Variants in NKAIN3 observed in about 807,000 individuals in gnomAD.
NKAIN3 encodes sodium/potassium transporting ATPase interacting 3.
NKAIN3 carries 25 observed loss-of-function variants against 30.2 expected under a neutral mutation model. The ratio of observed to expected loss-of-function variants is 0.83; its 90% CI spans 0.60 to 1.16. NKAIN3 has a LOEUF of 1.16. Among genes scored for constraint, NKAIN3 ranks in the 50% most tolerant of loss-of-function variants. The pLI is 0.00. For missense variants in NKAIN3, 225 were observed against 254.1 expected, an observed-to-expected ratio of 0.89 and a Z score of 0.78; for synonymous variants, 91 against 89.6, an observed-to-expected ratio of 1.02 and a Z score of -0.09.
rs917268605 is a variant in NKAIN3 at position 62,517,190 on chromosome 8, T to C, written c.55-62349T>C. On this transcript the variant is annotated intron_variant, in intron 1 of 6. Coordinates refer to ENST00000623646, the MANE Select transcript of NKAIN3 (RefSeq NM_001304533.3). ...TTTTAGGTCATGGCAGCAATATTTT[T>C]CTTGCATAATCATAAAATATAATGC... 2.6e-5 allele frequency among the ~76,000 whole-genome samples: 4 copies of C among 152,296 alleles called. No homozygotes were observed. In the East Asian group the frequency reaches 5.8e-4, roughly 22 times the overall value.
chr8:62,744,795 A>G (rs1480125), intron 3 of NKAIN3, among the ~76,000 whole-genome samples: 134,433 of 151,910 alleles, frequency 0.88, 59,616 homozygotes, highest in African/African-American at 0.91. Context: ...AAATGATACA[A>G]GTAGCAAACC....
In NKAIN3 at chr8:62,785,230, A is replaced by T. The variant is rs144936274; in HGVS notation, c.471+38101A>T. 3.1e-3 allele frequency among the ~76,000 whole-genome samples: 476 copies of T among 152,322 alleles called. 1 individual carries two copies. Among genetic ancestry groups the T allele is most frequent in the African/African-American group, 0.01 (418 of 41,564 alleles). ...AACTCATTAATTTTCATACAATGAA[A>T]TGTTATTCAGCAATAAAAGTAAATG... On this transcript the variant is annotated intron_variant, in intron 4 of 6. Coordinates refer to ENST00000623646, the MANE Select transcript of NKAIN3 (RefSeq NM_001304533.3).
chr8:62,689,208 T>C (rs1240685496), intron 3 of NKAIN3, among the ~76,000 whole-genome samples: 1 of 152,238 alleles, frequency 6.6e-6, no homozygotes, highest in African/African-American at 2.4e-5. Flanking sequence ...CTACTGCTGT[T>C]GTGATGCAAC....
At chr8:62,351,197 G>T (rs1178872124) in intron 1 of NKAIN3, among the ~76,000 whole-genome samples, 1 of 149,762 alleles carries the variant, frequency 6.7e-6, no homozygotes. Context: ...TTGATTCCAG[G>T]ATGTCTACAG....
chr8:62,462,543 T>G (rs1422949049), intron 1 of NKAIN3, among the ~76,000 whole-genome samples: 1 of 152,130 alleles, frequency 6.6e-6, no homozygotes, highest in Non-Finnish European at 1.5e-5. Flanking sequence ...GCAGGAAGAT[T>G]AAACCTCTGC....
At chr8:62,992,391 A>G (rs148373700) in intron 5 of NKAIN3, among the ~76,000 whole-genome samples, 2,787 of 151,830 alleles carry the variant, frequency 0.018, 31 homozygotes, top group Middle Eastern at 0.044. Context: ...GCCCCTCTCT[A>G]TGTTACTTTA....
intron 1 of NKAIN3, chr8:62,473,361 T>C (rs1200319067): frequency 2.6e-5 from 4 of 152,242 alleles, no homozygotes; most frequent in African/African-American, 4.8e-5. Flanking sequence ...AAAAATCTTA[T>C]TCGTTTCACT....
intron 1 of NKAIN3, among the ~76,000 whole-genome samples, chr8:62,295,133 T>C (rs1395474602): frequency 6.6e-6 from 1 of 152,178 alleles, no homozygotes; most frequent in Non-Finnish European, 1.5e-5. Flanking sequence ...GAATAGTTTC[T>C]TTCTTTGGAT....
At chr8:62,879,215 G>C (rs901210078) in intron 4 of NKAIN3, among the ~76,000 whole-genome samples, 11 of 152,182 alleles carry the variant, frequency 7.2e-5, no homozygotes, top group Non-Finnish European at 1.2e-4. Context: ...TAACTGGTGT[G>C]AGATGGTATC....
intron 1 of NKAIN3, among the ~76,000 whole-genome samples, chr8:62,487,677 A>G (rs1009208253): frequency 1.3e-5 from 2 of 152,130 alleles, no homozygotes. Flanking sequence ...AATTGTTGAA[A>G]ATTCAACAAT....
At chr8:62,727,031 A>T (rs2130532432) in intron 3 of NKAIN3, among the ~76,000 whole-genome samples, 1 of 152,226 alleles carries the variant, frequency 6.6e-6, no homozygotes, top group Admixed American at 6.5e-5. Flanking sequence ...TTGCATGTAT[A>T]TGAAGATGAT....
intron 1 of NKAIN3, among the ~76,000 whole-genome samples, chr8:62,250,530 T>C (rs1812066846): frequency 6.6e-6 from 1 of 152,218 alleles, no homozygotes; most frequent in Admixed American, 6.5e-5. Flanking sequence ...GAAATGGACA[T>C]GGCTTATAAG....
At chr8:62,901,820 C>T (rs913332801) in intron 4 of NKAIN3, among the ~76,000 whole-genome samples, 3 of 152,200 alleles carry the variant, frequency 2.0e-5, no homozygotes, top group African/African-American at 7.2e-5. Flanking sequence ...CATATTTCTA[C>T]ATGTGGCTTT....
At chr8:62,326,921 A>G (rs1368440437) in intron 1 of NKAIN3, among the ~76,000 whole-genome samples, 1 of 151,996 alleles carries the variant, frequency 6.6e-6, no homozygotes, top group Non-Finnish European at 1.5e-5. Context: ...GTTGCCGCCG[A>G]CAGGGAATAA....
intron 1 of NKAIN3, among the ~76,000 whole-genome samples, chr8:62,500,777 A>G (rs1212122387): frequency 6.6e-6 from 1 of 152,174 alleles, no homozygotes; most frequent in Non-Finnish European, 1.5e-5. Context: ...GAAGCCTCAA[A>G]GGCACCAAGA....
chr8:62,899,397 G>A (rs746897801), intron 4 of NKAIN3, among the ~76,000 whole-genome samples: 1 of 152,254 alleles, frequency 6.6e-6, no homozygotes, highest in East Asian at 1.9e-4. Context: ...GTACTGTTCA[G>A]CCATAAAAAA....
At chr8:62,412,964 C>T (rs1271997406) in intron 1 of NKAIN3, among the ~76,000 whole-genome samples, 1 of 148,484 alleles carries the variant, frequency 6.7e-6, no homozygotes, top group African/African-American at 2.5e-5. Flanking sequence ...ACAAAATAAC[C>T]TCATGAAAAC....
intron 1 of NKAIN3, among the ~76,000 whole-genome samples, chr8:62,274,908 C>T (rs1812887379): frequency 1.3e-5 from 2 of 151,990 alleles, no homozygotes; most frequent in African/African-American, 2.4e-5. Context: ...ATCCATGTCC[C>T]TACAAAGGAC....
At chr8:62,919,462 G>A (rs1450810582) in intron 5 of NKAIN3, among the ~76,000 whole-genome samples, 1 of 151,520 alleles carries the variant, frequency 6.6e-6, no homozygotes, top group Non-Finnish European at 1.5e-5. Context: ...AGCCAGGATG[G>A]TCTCGATCTC....
Sources: gnomAD v4.1 joint callset for allele counts (sites outside exome capture counted in the v4.1 genomes callset) on GRCh38, gnomAD v4.1.1 for gene constraint, MANE v1.5 for transcripts, NCBI Gene and HGNC (gene_info 2026-07-23, HGNC 2026-07-21) for gene names.